Variants in PTPRO observed in about 807,000 individuals in gnomAD.
PTPRO encodes the protein protein tyrosine phosphatase receptor type O, also known as receptor-type tyrosine-protein phosphatase O.
A neutral mutation model predicts 145.2 loss-of-function variants in PTPRO; 62 were observed. The observed-to-expected ratio is 0.43, with a 90% CI of 0.35 to 0.53. The LOEUF (loss-of-function observed/expected upper bound fraction) is 0.53. Among genes scored for constraint, PTPRO ranks in the 20% least tolerant of loss-of-function variants. The probability of loss-of-function intolerance (pLI) is 0.01; values close to 1 mark genes in which losing one functional copy is unlikely to be tolerated. For synonymous variants in PTPRO, 565 were observed against 514.7 expected (o/e 1.10, Z -1.32); for missense variants, 1,345 against 1,482.7 (o/e 0.91, Z 1.53).
intron 19 of PTPRO, 74 bp downstream of exon 19, chr12:15,569,572 A>C (rs1448167941): frequency 1.7e-5 from 23 of 1,324,570 alleles, no homozygotes; most frequent in Non-Finnish European, 1.4e-5. Flanking sequence ...TGTTGCGGTC[A>C]TGTCCCTGCT....
intron 1 of PTPRO, among the ~76,000 whole-genome samples, chr12:15,436,207 A>C (rs1381480102): frequency 6.6e-6 from 1 of 152,220 alleles, no homozygotes; most frequent in Non-Finnish European, 1.5e-5. Context: ...TAACATCACA[A>C]TTAAAAGAAC....
chr12:15,380,398 A>G (rs1452420860), intron 1 of PTPRO, among the ~76,000 whole-genome samples: 1 of 152,140 alleles, frequency 6.6e-6, no homozygotes, highest in Non-Finnish European at 1.5e-5. Flanking sequence ...TAACTAAATG[A>G]GGCAAGGAGA....
chr12:15,407,827 G>A (rs1417137980), intron 1 of PTPRO, among the ~76,000 whole-genome samples: 1 of 152,190 alleles, frequency 6.6e-6, no homozygotes, highest in African/African-American at 2.4e-5. Flanking sequence ...TGAGAGACTT[G>A]AAACGAATTG....
rs534504868 is a variant in PTPRO at position 15,387,569 on chromosome 12, G to T, written c.75+64768G>T. On this transcript the variant is annotated intron_variant, in intron 1 of 26. Transcript: ENST00000281171. ...TTGATGTCTTCAGCAGCATTTAATG[G>T]TTTTTCCTCTATGTCCCCTTAGTAC... 3.3e-5 allele frequency among the ~76,000 whole-genome samples: 5 copies of T among 152,170 alleles called. No individual in the cohort carries two copies. In the East Asian group the frequency reaches 9.7e-4, roughly 29 times the overall value.
chr12:15,502,953 T>C (rs1942251116), intron 5 of PTPRO, among the ~76,000 whole-genome samples: 2 of 152,256 alleles, frequency 1.3e-5, no homozygotes, highest in Admixed American at 6.5e-5. Flanking sequence ...TACTGACATA[T>C]TGTTTACTCC....
At chr12:15,516,553 G>A (rs1001210498) in intron 8 of PTPRO, among the ~76,000 whole-genome samples, 7 of 128,772 alleles carry the variant, frequency 5.4e-5, no homozygotes, top group Non-Finnish European at 8.1e-5. Flanking sequence ...GGGAGGGAGG[G>A]AAGAAGGAAG....
chr12:15,405,519 A>G (rs1346780120), intron 1 of PTPRO, among the ~76,000 whole-genome samples: 3 of 152,212 alleles, frequency 2.0e-5, no homozygotes, highest in Non-Finnish European at 4.4e-5. Flanking sequence ...CCTTTGGTTA[A>G]TACAAATGGG....
chr12:15,406,195 T>C (rs1402194287), intron 1 of PTPRO, among the ~76,000 whole-genome samples: 1 of 152,192 alleles, frequency 6.6e-6, no homozygotes, highest in Non-Finnish European at 1.5e-5. Flanking sequence ...TGATTTGATT[T>C]GTAATTACCA....
Position 15,580,113 on chromosome 12 carries a change from C to A in PTPRO, c.2995C>A (p.Pro999Thr), listed in dbSNP as rs1223823180. 1.9e-6 allele frequency: 3 copies of A among 1,610,520 alleles called. No homozygotes were observed. The highest frequency in any genetic ancestry group is 2.5e-6 in the Non-Finnish European group (3 of 1,178,408). ...AGACTACATCAATGCCAACTATATT[C>A]CTGTAAGTAGAAAAAAAAAATCAGG... is the stretch of plus-strand genomic sequence containing the variant. ...GADYINANYIPGYNSPQEYIA... is the reference protein window; with the variant it reads ...GADYINANYITGYNSPQEYIA... The change falls in exon 21 of 27, where the codon CCT becomes ACT. Residue 999 changes from proline (P) to threonine (T), a missense_variant and splice_region_variant. This residue lies in a region of PTPRO where 1,130 missense variants were observed against 1,214.7 expected (regional missense o/e 0.93). Transcript: ENST00000281171.
chr12:15,407,693 C>T (rs944742135), intron 1 of PTPRO, among the ~76,000 whole-genome samples: 7 of 152,172 alleles, frequency 4.6e-5, no homozygotes, highest in African/African-American at 1.7e-4. Flanking sequence ...ATTTTTACTC[C>T]TCTTCTTCTT....
intron 17 of PTPRO, 76 bp from the exon 18 acceptor site, chr12:15,565,517 A>G: frequency 1.0e-6 from 1 of 967,072 alleles, no homozygotes; most frequent in Non-Finnish European, 1.6e-6. Context: ...AATTATTTAA[A>G]GCTGTTCAAG....
At chr12:15,360,746 ATG>A (rs1296595102) in intron 1 of PTPRO, among the ~76,000 whole-genome samples, 3 of 148,520 alleles carry the variant, frequency 2.0e-5, no homozygotes, top group Admixed American at 6.7e-5. Flanking sequence ...CACACACACT[ATG>A]TGTGTGTATA....
At chr12:15,524,786 T>A in intron 10 of PTPRO, 28 bp from the exon 11 acceptor site, 1 of 1,598,310 alleles carries the variant, frequency 6.3e-7, no homozygotes, top group Non-Finnish European at 8.6e-7. Context: ...TCTATTATAC[T>A]AAATTGTGCC....
rs1944501038 is a variant in PTPRO, at chr12:15,589,494, C to A, written c.3450C>A (p.Asp1150Glu). The change falls in exon 25 of 27, where the codon GAC becomes GAA. Residue 1150 changes from aspartate to glutamate, a missense_variant. Transcript: ENST00000281171. Reference sequence around the variant, plus strand: ...GGACAGGAACATTCATTGCCCTGGACAGGCTCTTGCAGCACATTCGGGATC... The same window carrying A: ...GGACAGGAACATTCATTGCCCTGGAAAGGCTCTTGCAGCACATTCGGGATC... ...VGRTGTFIAL[D>E]RLLQHIRDHE... The A allele has an allele frequency of 1.9e-6, 3 of 1,614,088 alleles. No individual in the cohort carries two copies. The highest frequency in any genetic ancestry group is 2.5e-6 in the Non-Finnish European group (3 of 1,180,014).
intron 16 of PTPRO, among the ~76,000 whole-genome samples, chr12:15,559,661 A>C (rs891944732): frequency 1.4e-4 from 22 of 152,322 alleles, no homozygotes; most frequent in Admixed American, 4.6e-4. Context: ...ATAGTAATTT[A>C]AAAACAATAC....
intron 1 of PTPRO, among the ~76,000 whole-genome samples, chr12:15,481,804 A>ATTTTT (rs1372294905): frequency 6.6e-6 from 1 of 152,172 alleles, no homozygotes; most frequent in Non-Finnish European, 1.5e-5. Context: ...AAGTCAGTAC[A>ATTTTT]TTTTTCAGTC....
In PTPRO at chr12:15,471,224, CA is replaced by C. The variant is rs1177560551; in HGVS notation, c.76-12743del. On this transcript the variant is annotated intron_variant, in intron 1 of 26. Transcript: ENST00000281171. ...TGAAACCCTGTCTCTACAAAAAATA[CA>C]AAAAAATAAGCAGATTTGGTGTCGC... Among the ~76,000 whole-genome samples, 5 of 152,014 alleles carry C rather than the reference CA, an allele frequency of 3.3e-5. No individual in the cohort carries two copies. The South Asian group carries it at 8.3e-4, about 25-fold the overall frequency.
intron 1 of PTPRO, among the ~76,000 whole-genome samples, chr12:15,323,290 A>G (rs1866355255): frequency 6.6e-6 from 1 of 152,088 alleles, no homozygotes; most frequent in South Asian, 2.1e-4. Context: ...TTAGGGCAGA[A>G]TTTTCTTTGA....
At chr12:15,521,167 A>C (rs1375874768) in intron 10 of PTPRO, among the ~76,000 whole-genome samples, 1 of 152,178 alleles carries the variant, frequency 6.6e-6, no homozygotes, top group East Asian at 1.9e-4. Flanking sequence ...CGCTTAGAGG[A>C]ATAATTTTGG....
Sources: allele counts gnomAD v4.1 joint callset (sites outside exome capture counted in the v4.1 genomes callset), GRCh38; gene constraint gnomAD v4.1.1; regional missense constraint gnomAD v4.1.1; transcripts MANE v1.5; gene names NCBI Gene and HGNC (gene_info 2026-07-23, HGNC 2026-07-21).